The following PMPCA variants were observed in gnomAD, a reference collection of about 807,000 sequenced individuals.
PMPCA encodes the protein mitochondrial-processing peptidase subunit alpha.
PMPCA carries 47 observed loss-of-function variants against 59.3 expected under a neutral mutation model. That is an observed-to-expected ratio of 0.79 (90% CI 0.63 to 1.01). PMPCA has a LOEUF of 1.01. PMPCA is among the 50% of genes least tolerant of loss of function. The pLI is 0.00. For missense variants in PMPCA, 726 were observed against 704.5 expected (o/e 1.03, Z -0.34); for synonymous variants, 338 against 290.3 (o/e 1.16, Z -1.67).
rs1199728957 is a variant in PMPCA, at chr9:136,418,441, C to T, written c.991-114C>T. On this transcript the variant is annotated intron_variant, in intron 8 of 12. Transcript: ENST00000371717. ...GCCCTCCGTCCCTGGCGTCCAGCGGCGCTCCTGACGTGGCTTGGGCGACTC... is the reference window on the plus strand; with the variant it reads ...GCCCTCCGTCCCTGGCGTCCAGCGGTGCTCCTGACGTGGCTTGGGCGACTC... 15 of 733,140 alleles carry T rather than the reference C, an allele frequency of 2.0e-5. 1 individual carries two copies. The highest frequency in any genetic ancestry group is 8.5e-5 in the Admixed American group (4 of 47,212). 45.4% of individuals were successfully genotyped at this position (733,140 alleles called of 1,614,324 possible).
At chr9:136,414,422 C>T in intron 4 of PMPCA, 131 bp from the exon 5 acceptor site, 1 of 675,032 alleles carries the variant, frequency 1.5e-6, no homozygotes, top group Non-Finnish European at 2.7e-6. Flanking sequence ...CAAGTGTCCC[C>T]TGGCTGTTGA....
chr9:136,416,664 C>G, intron 6 of PMPCA: 1 of 593,462 alleles, frequency 1.7e-6, no homozygotes, highest in South Asian at 2.0e-5. Flanking sequence ...TTCTTGATTT[C>G]TGAGTCTGCT....
At chr9:136,421,404 GTTTTTTT>G (rs57128281) in intron 11 of PMPCA, among the ~76,000 whole-genome samples, 338 of 117,982 alleles carry the variant, frequency 2.9e-3, no homozygotes, top group African/African-American at 9.1e-3. Flanking sequence ...CTGGGTTCCC[GTTTTTTT>G]TTTTTTTTTT....
At chr9:136,422,860 G>C in intron 12 of PMPCA, 1 of 1,354,622 alleles carries the variant, frequency 7.4e-7, no homozygotes, top group Non-Finnish European at 9.5e-7. Context: ...GGGTGGCTTT[G>C]TCCTATATTT....
chr9:136,423,253 C>G lies in PMPCA; in HGVS notation c.1567C>G (p.Leu523Val), dbSNP rs754105230. 6.2e-7 allele frequency: 1 copy of G among 1,612,140 alleles called. No homozygotes were observed. The change falls in exon 13 of 13, where the codon CTC becomes GTC. Residue 523 changes from leucine (L) to valine (V), a missense_variant. Leu to Val is a conservative substitution (Grantham distance 32). Transcript: ENST00000371717. ...KDGRLPRTYRLFR is the reference protein window; with the variant it reads ...KDGRLPRTYRVFR The stretch of plus-strand genomic sequence containing the variant: ...CGGGCGCCTGCCCAGGACGTACCGG[C>G]TCTTCCGGTAGAACCGCTCCCCGGC...
At chr9:136,418,391 C>G (rs546177097) in intron 8 of PMPCA, among the ~76,000 whole-genome samples, 164 bp from the exon 9 acceptor site, 4 of 144,766 alleles carry the variant, frequency 2.8e-5, no homozygotes, top group African/African-American at 1.0e-4. Context: ...GCTCCTGACG[C>G]GGCATGGGTG....
rs534750502 is a variant in PMPCA, at chr9:136,419,047, C to G, written c.1204C>G (p.Arg402Gly). ...IHASADPRQV[R>G]EMVEIITKEF... is the part of the protein sequence containing the mutation. Reference sequence around the variant, plus strand: ...ATCGTCTTGCCCTTCTTCGCAGGTTCGAGAAATGGTAGAAATCATCACAAA... The same window carrying G: ...ATCGTCTTGCCCTTCTTCGCAGGTTGGAGAAATGGTAGAAATCATCACAAA... Residue 402 changes from arginine (R) to glycine (G), a missense_variant, in exon 11 of 13, where the codon CGA (arginine) becomes GGA (glycine). Arg to Gly is a moderately radical substitution (Grantham distance 125). Transcript: ENST00000371717. 1.4e-5 allele frequency: 22 copies of G among 1,613,792 alleles called. 1 individual carries two copies. In the South Asian group the frequency reaches 2.3e-4, roughly 17 times the overall value.
Position 136,412,855 on chromosome 9 carries a change from G to C in PMPCA, c.400G>C (p.Glu134Gln). 1 of 1,609,906 alleles carries C rather than the reference G, an allele frequency of 6.2e-7. No individual in the cohort carries two copies. The highest frequency in any genetic ancestry group is 8.5e-7 in the Non-Finnish European group (1 of 1,176,224). ...DSKDEILLTL[E>Q]KHGGICDCQT... ...CAAAGATGAAATTCTGCTTACGTTG[G>C]AAAAGCATGGGGGTATCTGTGACTG... is the stretch of plus-strand genomic sequence containing the variant. Residue 134 changes from glutamate to glutamine, a missense_variant, in exon 4 of 13, where the codon GAA becomes CAA. By Grantham distance (29) the Glu-to-Gln change is conservative. Transcript: ENST00000371717.
At position 136,414,610 on chromosome 9, in the gene PMPCA, C is replaced by T. The variant is rs1349872999; in HGVS notation, c.495C>T (p.Ala165=). ...GCAAAGGCTTGGACACGGTGGTTGC[C>T]TTACTGGCTGATGTGGTTCTGCAGC... ...ADSKGLDTVV[A]LLADVVLQPR... is the part of the protein sequence containing the mutation. Residue 165 remains alanine (A), a synonymous_variant, in exon 5 of 13, where the codon GCC becomes GCT. Transcript: ENST00000371717. 1.2e-6 allele frequency: 2 copies of T among 1,613,674 alleles called. No individual in the cohort carries two copies. Among genetic ancestry groups the T allele is most frequent in the Middle Eastern group, 3.3e-4 (2 of 6,058 alleles).
intron 12 of PMPCA, chr9:136,422,871 T>G (rs779613870): frequency 3.6e-6 from 5 of 1,370,046 alleles, no homozygotes; most frequent in Admixed American, 3.0e-5. Context: ...TCCTATATTT[T>G]TAAGTCATTG....
In PMPCA at chr9:136,416,292, T is replaced by C. The variant is rs769918024; in HGVS notation, c.534T>C (p.Asp178=). The change falls in exon 6 of 13, where the codon GAT becomes GAC. Residue 178 remains aspartate (D), a splice_region_variant and synonymous_variant. Coordinates refer to ENST00000371717, the MANE Select transcript of PMPCA (RefSeq NM_015160.3). ...CCTGGCCTTTGGGTTCTCTTGCAGATGAAGAAGTCGAGATGACGCGGATGG... is the reference window on the plus strand; with the variant it reads ...CCTGGCCTTTGGGTTCTCTTGCAGACGAAGAAGTCGAGATGACGCGGATGG... ...ADVVLQPRLT[D]EEVEMTRMAV... The C allele has an allele frequency of 1.2e-6, 2 of 1,612,252 alleles. No homozygotes were observed. The highest frequency in any genetic ancestry group is 1.7e-6 in the Non-Finnish European group (2 of 1,178,776).
At chr9:136,421,708 G>A (rs988224383) in intron 11 of PMPCA, 124 bp from the exon 12 acceptor site, 57 of 910,980 alleles carry the variant, frequency 6.3e-5, no homozygotes, top group Middle Eastern at 3.5e-4. Context: ...CACTGCGCCC[G>A]GCTGCCCTTC....
chr9:136,412,508 C>A lies in PMPCA; in HGVS notation c.293C>A (p.Ser98Ter), dbSNP rs780097115. The A allele has an allele frequency of 1.3e-6, 2 of 1,580,590 alleles. No homozygotes were observed. Among genetic ancestry groups the A allele is most frequent in the South Asian group, 1.1e-5 (1 of 88,982 alleles). The change falls in exon 3 of 13, where the codon TCG (serine) becomes TAG (stop). Residue 98 changes from serine (S) to a stop codon, truncating the protein, a stop_gained. Transcript: ENST00000371717. LOFTEE classifies it high-confidence loss of function. ...CTVGILINSG[S>*]RYEAKYLSGI... ...CTACTAGTTCTTATCAATTCAGGAT[C>A]GAGATATGAAGCGAAATACCTTAGT... is the stretch of plus-strand genomic sequence containing the variant.
At chr9:136,421,700 C>T in intron 11 of PMPCA, 132 bp from the exon 12 acceptor site, 1 of 820,118 alleles carries the variant, frequency 1.2e-6, no homozygotes, top group Admixed American at 2.4e-5. Context: ...GCGGGAGCCA[C>T]TGCGCCCGGC....
At position 136,416,738 on chromosome 9, in the gene PMPCA, TA is replaced by T; in HGVS notation, c.634-211del. On this transcript the variant is annotated intron_variant, in intron 6 of 12. Coordinates refer to ENST00000371717, the MANE Select transcript of PMPCA (RefSeq NM_015160.3). ...CTAGGTCTTTACTACTAAACACAATTAATCTTAGGCTTTTTGTGAATTTGTA... is the reference window on the plus strand; with the variant it reads ...CTAGGTCTTTACTACTAAACACAATTATCTTAGGCTTTTTGTGAATTTGTA... 3 of 594,368 alleles carry T rather than the reference TA, an allele frequency of 5.0e-6. No individual in the cohort carries two copies. In the South Asian group the frequency reaches 6.3e-5, roughly 12 times the overall value. 36.8% of individuals were successfully genotyped at this position (594,368 alleles called of 1,614,324 possible).
At chr9:136,412,456 T>C (rs1472614469) in intron 2 of PMPCA, 34 bp from the exon 3 acceptor site, 1 of 988,620 alleles carries the variant, frequency 1.0e-6, no homozygotes, top group Non-Finnish European at 1.6e-6. Context: ...TTTGAATATC[T>C]GATGTAACCT....
At position 136,418,904 on chromosome 9, in the gene PMPCA, G is replaced by A. The variant is rs764270309; in HGVS notation, c.1186G>A (p.Ala396Thr). 46 of 1,613,506 alleles carry A rather than the reference G, an allele frequency of 2.9e-5. No individual in the cohort carries two copies. Among genetic ancestry groups the A allele is most frequent in the Non-Finnish European group, 3.5e-5 (41 of 1,179,884 alleles). ...DTGLLCIHAS[A>T]DPRQVREMVE... ...TGGCCTCCTTTGCATCCATGCCAGCGCCGACCCAAGACAGGTGAGGGCCCC... is the reference window on the plus strand; with the variant it reads ...TGGCCTCCTTTGCATCCATGCCAGCACCGACCCAAGACAGGTGAGGGCCCC... Residue 396 changes from alanine (A) to threonine (T), a missense_variant, in exon 10 of 13, where the codon GCC (alanine) becomes ACC (threonine). By Grantham distance (58) the Ala-to-Thr change is moderately conservative. Coordinates refer to ENST00000371717, the MANE Select transcript of PMPCA (RefSeq NM_015160.3).
At chr9:136,411,440 G>A (rs920903067) in intron 1 of PMPCA, 2 of 161,196 alleles carry the variant, frequency 1.2e-5, no homozygotes, top group African/African-American at 2.4e-5. Flanking sequence ...TGACATTTAA[G>A]GGAAGAGCTG....
At chr9:136,421,292 T>G (rs1835441003) in intron 11 of PMPCA, among the ~76,000 whole-genome samples, 7 of 152,210 alleles carry the variant, frequency 4.6e-5, no homozygotes, top group Admixed American at 4.6e-4. Context: ...GGAGGCACAT[T>G]GCTCCTGTAT....
Sources: gnomAD v4.1 joint callset for allele counts (sites outside exome capture counted in the v4.1 genomes callset) on GRCh38, gnomAD v4.1.1 for gene constraint, MANE v1.5 for transcripts, NCBI Gene and HGNC (gene_info 2026-07-23, HGNC 2026-07-21) for gene names.